Variants in SPOCK3 observed in about 807,000 individuals in gnomAD.
The protein encoded by SPOCK3 is SPARC (osteonectin), cwcv and kazal like domains proteoglycan 3.
Under a neutral mutation model 56.6 loss-of-function variants are expected in SPOCK3, and 30 were observed. That is an observed-to-expected ratio of 0.53 (90% confidence interval 0.40 to 0.72). SPOCK3 has a LOEUF of 0.72. SPOCK3 is among the 30% of genes least tolerant of loss of function. The probability of loss-of-function intolerance (pLI) is 0.00; values close to 1 mark genes in which losing one functional copy is unlikely to be tolerated. For missense variants in SPOCK3, 527 were observed against 530.0 expected (o/e 0.99, Z 0.06); for synonymous variants, 196 against 183.3 (o/e 1.07, Z -0.56).
intron 9 of SPOCK3, 141 bp downstream of exon 9, chr4:166,741,856 G>T: frequency 1.6e-6 from 1 of 628,224 alleles, no homozygotes; most frequent in South Asian, 2.0e-5. Flanking sequence ...AAGTTTAATG[G>T]CTTTCAAAAA....
intron 4 of SPOCK3, among the ~76,000 whole-genome samples, chr4:166,986,157 C>T (rs978427260): frequency 7.9e-5 from 12 of 152,118 alleles, no homozygotes; most frequent in Admixed American, 2.6e-4. Context: ...TCATGTTTCA[C>T]TTGTTGAAGA....
intron 2 of SPOCK3, among the ~76,000 whole-genome samples, chr4:167,111,134 T>C (rs2150347203): frequency 6.6e-6 from 1 of 152,170 alleles, no homozygotes; most frequent in African/African-American, 2.4e-5. Flanking sequence ...GTATAGACTA[T>C]ATATTTGTAT....
At chr4:166,769,927 C>T (rs565536437) in intron 7 of SPOCK3, among the ~76,000 whole-genome samples, 28 of 152,216 alleles carry the variant, frequency 1.8e-4, no homozygotes, top group African/African-American at 5.8e-4. Context: ...TCTTGCAGTT[C>T]GATGTCAGAC....
intron 6 of SPOCK3, chr4:166,882,941 A>T (rs946726035): frequency 7.2e-5 from 11 of 152,124 alleles, no homozygotes; most frequent in Admixed American, 2.0e-4. Context: ...TTATTTTTCC[A>T]TGGCTCCAAT....
At chr4:166,955,585 T>G (rs1157104065) in intron 4 of SPOCK3, among the ~76,000 whole-genome samples, 2 of 132,712 alleles carry the variant, frequency 1.5e-5, no homozygotes, top group Non-Finnish European at 3.1e-5. Flanking sequence ...AATTAAATTA[T>G]ATTAAATTTA....
intron 6 of SPOCK3, among the ~76,000 whole-genome samples, chr4:166,849,398 G>A (rs1024079044): frequency 6.6e-6 from 1 of 152,012 alleles, no homozygotes; most frequent in Admixed American, 6.6e-5. Context: ...AAAAGTAATT[G>A]TGTGGTTTTT....
chr4:166,747,356 T>C (rs1184420374), intron 8 of SPOCK3, among the ~76,000 whole-genome samples: 1 of 151,934 alleles, frequency 6.6e-6, no homozygotes, highest in East Asian at 1.9e-4. Flanking sequence ...ACGTAATCCA[T>C]CACAAAAAGA....
At chr4:167,224,271 A>T (rs1736371691) in intron 2 of SPOCK3, among the ~76,000 whole-genome samples, 1 of 152,116 alleles carries the variant, frequency 6.6e-6, no homozygotes, top group African/African-American at 2.4e-5. Context: ...GTTAGCTGGA[A>T]TTTTCAGAGA....
intron 7 of SPOCK3, among the ~76,000 whole-genome samples, chr4:166,769,322 C>T (rs957895841): frequency 3.3e-5 from 5 of 151,776 alleles, no homozygotes; most frequent in African/African-American, 9.7e-5. Flanking sequence ...GTGGTTTTAT[C>T]TACCTTTGGT....
intron 3 of SPOCK3, among the ~76,000 whole-genome samples, chr4:167,056,810 T>C (rs939541132): frequency 9.8e-5 from 15 of 152,294 alleles, no homozygotes; most frequent in African/African-American, 3.1e-4. Context: ...CTACGCCTGA[T>C]TGCTGTACCT....
At chr4:167,039,090 T>TC (rs1373158150) in intron 3 of SPOCK3, among the ~76,000 whole-genome samples, 1 of 152,138 alleles carries the variant, frequency 6.6e-6, no homozygotes, top group Admixed American at 6.5e-5. Context: ...GACGCTCTAG[T>TC]CCATGCTTCT....
chr4:167,207,576 A>G (rs1352978220), intron 2 of SPOCK3, among the ~76,000 whole-genome samples: 2 of 152,180 alleles, frequency 1.3e-5, no homozygotes, highest in Admixed American at 6.6e-5. Flanking sequence ...TTCATTTATT[A>G]CCTACAAACC....
intron 4 of SPOCK3, among the ~76,000 whole-genome samples, chr4:166,999,373 C>T (rs1748722106): frequency 3.9e-5 from 6 of 152,122 alleles, no homozygotes; most frequent in Non-Finnish European, 8.8e-5. Context: ...TTATGAGAAA[C>T]ATCAATGTAA....
rs539836137 is a variant in SPOCK3 at position 166,816,432 on chromosome 4, C to A, written c.590-24143G>T. Among the ~76,000 whole-genome samples, 129 of 152,118 alleles carry A rather than the reference C, an allele frequency of 8.5e-4. 1 individual carries two copies. Among genetic ancestry groups the A allele is most frequent in the African/African-American group, 3.0e-3 (123 of 41,518 alleles). On this transcript the variant is annotated intron_variant, in intron 6 of 10. Transcript: ENST00000357545. ...CAAAATTGATTCTTATGTATGTGTA[C>A]ATTTTGGCCCTGAGGATTTTTAATT...
At chr4:166,898,425 A>T (rs28499875) in intron 5 of SPOCK3, among the ~76,000 whole-genome samples, 11,850 of 152,078 alleles carry the variant, frequency 0.078, 547 homozygotes, top group Non-Finnish European at 0.1. Flanking sequence ...ACAAGCTTTT[A>T]AGACTGTGTT....
intron 3 of SPOCK3, 147 bp from the exon 4 acceptor site, chr4:167,000,610 C>T (rs1296184455): frequency 1.9e-6 from 1 of 533,360 alleles, no homozygotes; most frequent in Admixed American, 3.7e-5. Context: ...GAAACTTCTG[C>T]TTCTACCCAC....
chr4:166,860,802 C>CATATATATATATATATGTATAT, intron 6 of SPOCK3, among the ~76,000 whole-genome samples: 1 of 101,938 alleles, frequency 9.8e-6, no homozygotes, highest in Non-Finnish European at 2.0e-5. Flanking sequence ...CACACAAATT[C>CATATATATATATATATGTATAT]ATATATATAT....
chr4:166,791,474 T>C (rs1448863779), intron 7 of SPOCK3, among the ~76,000 whole-genome samples: 2 of 152,282 alleles, frequency 1.3e-5, no homozygotes, highest in East Asian at 1.9e-4. Context: ...GCTTCAATCT[T>C]TGAAAGATTC....
At chr4:166,816,497 T>A (rs1744399605) in intron 6 of SPOCK3, among the ~76,000 whole-genome samples, 1 of 152,112 alleles carries the variant, frequency 6.6e-6, no homozygotes, top group Non-Finnish European at 1.5e-5. Context: ...TAAAGCATTT[T>A]GTGTGTTTTG....
Sources: gnomAD v4.1 joint callset for allele counts (sites outside exome capture counted in the v4.1 genomes callset) on GRCh38, gnomAD v4.1.1 for gene constraint, MANE v1.5 for transcripts, NCBI Gene and HGNC (gene_info 2026-07-23, HGNC 2026-07-21) for gene names.